WDPCP: variants seen among roughly 807,000 people sequenced by gnomAD.
WDPCP encodes WD repeat-containing and planar cell polarity effector protein fritz homolog.
Under a neutral mutation model 93.1 loss-of-function variants are expected in WDPCP, and 71 were observed. The ratio of observed to expected loss-of-function variants is 0.76; its 90% CI spans 0.63 to 0.93. The LOEUF (loss-of-function observed/expected upper bound fraction) is 0.93. WDPCP is among the 40% of genes least tolerant of loss of function. The pLI, the probability that WDPCP is intolerant of heterozygous loss-of-function variation, is 0.00. For missense variants in WDPCP, 844 were observed against 887.4 expected, an observed-to-expected ratio of 0.95 and a Z score of 0.62; for synonymous variants, 315 against 315.0, an observed-to-expected ratio of 1.00 and a Z score of 0.00.
Position 63,206,771 on chromosome 2 carries a change from C to T in WDPCP, c.1916-31939G>A, listed in dbSNP as rs533136665. 4.3e-4 allele frequency among the ~76,000 whole-genome samples: 65 copies of T among 152,262 alleles called. No homozygotes were observed. In the South Asian group the frequency reaches 0.012, roughly 28 times the overall value. ...TTTGTTTTGGGTTGTATCATTATCT[C>T]ACTTTAACCATCATTTAGTTTTATT... On this transcript the variant is annotated intron_variant, in intron 14 of 17. Transcript: ENST00000272321.
intron 2 of WDPCP, among the ~76,000 whole-genome samples, chr2:63,701,898 A>ACC (rs955593609): frequency 6.6e-6 from 1 of 152,204 alleles, no homozygotes; most frequent in Non-Finnish European, 1.5e-5. Context: ...GTACAAATAT[A>ACC]CAGTTCGATA....
intron 1 of WDPCP, among the ~76,000 whole-genome samples, chr2:63,815,770 T>C (rs886680055): frequency 2.0e-5 from 3 of 152,220 alleles, no homozygotes; most frequent in Non-Finnish European, 2.9e-5. Context: ...GTCATTCCCA[T>C]ATGAGATAAA....
chr2:63,806,115 A>T (rs901657522), intron 2 of WDPCP, among the ~76,000 whole-genome samples: 1 of 152,196 alleles, frequency 6.6e-6, no homozygotes, highest in African/African-American at 2.4e-5. Context: ...GCCTGTCTCA[A>T]AAAAAGAGAA....
chr2:63,693,072 G>A lies in WDPCP; in HGVS notation n.309-42234C>T, dbSNP rs1668911961. ...ATGGAGATTAAATAACTAGTTCAAAGTCAGAGAGGTGACAAGTGGCAAATG... is the reference window on the plus strand; with the variant it reads ...ATGGAGATTAAATAACTAGTTCAAAATCAGAGAGGTGACAAGTGGCAAATG... On this transcript the variant is annotated intron_variant and non_coding_transcript_variant, in intron 2 of 4. Transcript: ENST00000467687. Among the ~76,000 whole-genome samples the A allele has an allele frequency of 2.0e-5, 3 of 152,270 alleles. No individual in the cohort carries two copies. In the South Asian group the frequency reaches 6.2e-4, roughly 32 times the overall value.
intron 2 of WDPCP, among the ~76,000 whole-genome samples, chr2:63,806,663 C>T (rs779030793): frequency 1.8e-4 from 28 of 152,166 alleles, no homozygotes; most frequent in Non-Finnish European, 2.8e-4. Flanking sequence ...GACCACGCCC[C>T]GGGGAGGGGG....
In WDPCP at chr2:63,174,757, TCTC is replaced by T. The variant is rs1302545989; in HGVS notation, c.1988_1990del (p.Gly663del). The T allele has an allele frequency of 2.5e-6, 4 of 1,613,842 alleles. No individual in the cohort carries two copies. Among genetic ancestry groups the T allele is most frequent in the East Asian group, 4.5e-5 (2 of 44,862 alleles). Reference sequence around the variant, plus strand: ...AGGGAGGTTATCTGGAAATGAGTCTTCTCCTTGAGGTGCTAAAGACAGGCCAAT... The same window carrying T: ...AGGGAGGTTATCTGGAAATGAGTCTTCTTGAGGTGCTAAAGACAGGCCAAT... On this transcript the variant is annotated inframe_deletion, in exon 15 of 18. Coordinates refer to ENST00000272321, the MANE Select transcript of WDPCP (RefSeq NM_015910.7).
chr2:63,493,952 T>C (rs1701050236), intron 1 of WDPCP, among the ~76,000 whole-genome samples: 1 of 152,188 alleles, frequency 6.6e-6, no homozygotes, highest in Non-Finnish European at 1.5e-5. Flanking sequence ...TTCAGCTTCT[T>C]TAACATTAGG....
In WDPCP at chr2:63,601,331, G is replaced by A. The variant is rs529499744; in HGVS notation, n.488+49328C>T. 7.9e-5 allele frequency among the ~76,000 whole-genome samples: 12 copies of A among 152,276 alleles called. No individual in the cohort carries two copies. In the South Asian group the frequency reaches 1.0e-3, roughly 13 times the overall value. On this transcript the variant is annotated intron_variant and non_coding_transcript_variant, in intron 3 of 4. Coordinates refer to the WDPCP transcript ENST00000467687. ...TGTCTTGGAATTCAGAGGCCTTAGC[G>A]ACTTAGGGACTGTTTAACACCTGCA...
At chr2:63,348,845 C>T (rs1316629743) in intron 12 of WDPCP, among the ~76,000 whole-genome samples, 1 of 152,038 alleles carries the variant, frequency 6.6e-6, no homozygotes, top group Non-Finnish European at 1.5e-5. Context: ...CAAGGATATG[C>T]CTCTGGAGAA....
At chr2:63,486,459 T>A in intron 4 of WDPCP, 83 bp downstream of exon 4, 2 of 1,297,332 alleles carry the variant, frequency 1.5e-6, no homozygotes, top group Non-Finnish European at 2.1e-6. Flanking sequence ...GGAATAAAGT[T>A]TCCTCTTTGT....
intron 2 of WDPCP, among the ~76,000 whole-genome samples, chr2:63,762,149 A>T (rs1453065365): frequency 6.6e-6 from 1 of 152,204 alleles, no homozygotes. Flanking sequence ...AATAGCCTCA[A>T]ACCAAACCAC....
intron 14 of WDPCP, among the ~76,000 whole-genome samples, chr2:63,214,614 A>T (rs1327689005): frequency 4.6e-5 from 7 of 152,152 alleles, no homozygotes; most frequent in African/African-American, 9.7e-5. Context: ...TGTTGGAAGT[A>T]CTGGCCAGGG....
chr2:63,579,983 C>G lies in WDPCP; in HGVS notation c.75+8214G>C, dbSNP rs544251497. Reference sequence around the variant, plus strand: ...GGAGCGGGCTCCTGATATGTTCAGCCCCCTTCCTCTCTGTCTCTCACACTT... The same window carrying G: ...GGAGCGGGCTCCTGATATGTTCAGCGCCCTTCCTCTCTGTCTCTCACACTT... On this transcript the variant is annotated intron_variant, in intron 1 of 17. Coordinates refer to ENST00000272321, the MANE Select transcript of WDPCP (RefSeq NM_015910.7). Among the ~76,000 whole-genome samples, 473 of 152,208 alleles carry G rather than the reference C, an allele frequency of 3.1e-3. 2 individuals are homozygous for G. Among genetic ancestry groups the G allele is most frequent in the Admixed American group, 5.5e-3 (84 of 15,286 alleles).
intron 2 of WDPCP, among the ~76,000 whole-genome samples, chr2:63,698,843 A>G (rs1252789169): frequency 6.6e-6 from 1 of 152,230 alleles, no homozygotes; most frequent in Non-Finnish European, 1.5e-5. Flanking sequence ...CCTGTTGCAG[A>G]CAATGACATG....
chr2:63,734,500 T>A lies in WDPCP; in HGVS notation n.308+79122A>T, dbSNP rs145739477. The stretch of plus-strand genomic sequence containing the variant: ...GCTGCTCTTTGCCAAAAAAATAAAT[T>A]AATTAATTAAAAGGCCATGACTTTT... On this transcript the variant is annotated intron_variant and non_coding_transcript_variant, in intron 2 of 4. Transcript: ENST00000467687. Among the ~76,000 whole-genome samples, 422 of 152,280 alleles carry A rather than the reference T, an allele frequency of 2.8e-3. 1 individual carries two copies. Among genetic ancestry groups the A allele is most frequent in the Middle Eastern group, 0.014 (4 of 294 alleles).
At position 63,437,505 on chromosome 2, in the gene WDPCP, T is replaced by A. The variant is rs1697214336; in HGVS notation, c.549A>T (p.Lys183Asn). The A allele has an allele frequency of 1.3e-6, 2 of 1,599,948 alleles. No individual in the cohort carries two copies. The highest frequency in any genetic ancestry group is 1.7e-6 in the Non-Finnish European group (2 of 1,174,152). ...FIILSFLAQN[K>N]LCFIQFTKKM... ...TCTTGGTAAACTGAATAAAACATAGTTTGTTTTGTGCCAAAAATGATAAGA... is the reference window on the plus strand; with the variant it reads ...TCTTGGTAAACTGAATAAAACATAGATTGTTTTGTGCCAAAAATGATAAGA... The change falls in exon 8 of 18, where the codon AAA becomes AAT. Residue 183 changes from lysine to asparagine, a missense_variant. Coordinates refer to ENST00000272321, the MANE Select transcript of WDPCP (RefSeq NM_015910.7).
intron 13 of WDPCP, among the ~76,000 whole-genome samples, chr2:63,269,853 G>C (rs925289410): frequency 6.6e-6 from 1 of 152,116 alleles, no homozygotes; most frequent in Non-Finnish European, 1.5e-5. Context: ...CCTGGTCAAA[G>C]TTGCCTTCAA....
intron 2 of WDPCP, among the ~76,000 whole-genome samples, chr2:63,669,363 A>AT (rs1485199130): frequency 3.1e-3 from 190 of 61,702 alleles, no homozygotes; most frequent in African/African-American, 0.01. Flanking sequence ...ATTTTATTTT[A>AT]TTTTATTTTT....
intron 14 of WDPCP, among the ~76,000 whole-genome samples, chr2:63,200,448 A>C (rs1239901897): frequency 6.6e-6 from 1 of 152,226 alleles, no homozygotes; most frequent in Non-Finnish European, 1.5e-5. Context: ...CTAAGTGTCC[A>C]TTAGCAGATG....
Sources: allele counts gnomAD v4.1 joint callset (sites outside exome capture counted in the v4.1 genomes callset), GRCh38; gene constraint gnomAD v4.1.1; transcripts MANE v1.5; gene names NCBI Gene and HGNC (gene_info 2026-07-23, HGNC 2026-07-21).